Variants in GPC4 observed in about 807,000 individuals in gnomAD.
GPC4 encodes the protein glypican-4.
GPC4 carries 10 observed loss-of-function variants against 35.0 expected under a neutral mutation model. That is an observed-to-expected ratio of 0.29 (90% CI 0.18 to 0.48). The LOEUF is 0.48. Ranked by LOEUF, GPC4 falls within the 20% of genes least tolerant of loss-of-function variation. The pLI, the probability that GPC4 is intolerant of heterozygous loss-of-function variation, is 0.99. For synonymous variants in GPC4, 167 were observed against 170.2 expected (o/e 0.98, Z 0.15); for missense variants, 322 against 451.3 (o/e 0.71, Z 2.60).
chrX:133,402,903 CA>C (rs2068772086), intron 1 of GPC4, among the ~76,000 whole-genome samples: 1 of 62,035 alleles, frequency 1.6e-5, no homozygotes, highest in African/African-American at 7.9e-5. Context: ...AACTACGTCT[CA>C]AAAGGAAAAA....
intron 1 of GPC4, among the ~76,000 whole-genome samples, chrX:133,350,673 T>C (rs2068512645): frequency 8.9e-6 from 1 of 112,482 alleles, no homozygotes; most frequent in South Asian, 3.7e-4. Flanking sequence ...CTGTGCTTAA[T>C]TACATCCTTT....
At position 133,404,546 on chromosome X, in the gene GPC4, C is replaced by CAAAAAAAAAAAAAAAAA. The variant is rs766777711; in HGVS notation, c.160+10243_160+10259dup. On this transcript the variant is annotated intron_variant, in intron 1 of 8. Transcript: ENST00000370828. ...TGGGCAATAGAGCAAGACTCTGCCTCAAAAAAAAAAAAAAAAAAAGAAGGT... is the reference window on the plus strand; with the variant it reads ...TGGGCAATAGAGCAAGACTCTGCCTCAAAAAAAAAAAAAAAAAAAAAAAAAAAAAAAAAAAAGAAGGT... Among the ~76,000 whole-genome samples, 34 of 37,350 alleles carry CAAAAAAAAAAAAAAAAA rather than the reference C, an allele frequency of 9.1e-4. 2 individuals are homozygous for CAAAAAAAAAAAAAAAAA. The highest frequency in any genetic ancestry group is 3.0e-3 in the East Asian group (3 of 1,016). The allele number at this position is 37,350 out of a possible 115,157, so 32.4% of individuals were successfully genotyped here.
At chrX:133,404,546 C>CAAAA (rs766777711) in intron 1 of GPC4, among the ~76,000 whole-genome samples, 4 of 37,370 alleles carry the variant, frequency 1.1e-4, no homozygotes, top group African/African-American at 5.1e-4. Flanking sequence ...GACTCTGCCT[C>CAAAA]AAAAAAAAAA....
chrX:133,312,389 G>A (rs1021728858), intron 3 of GPC4, among the ~76,000 whole-genome samples: 5 of 110,822 alleles, frequency 4.5e-5, no homozygotes, highest in Non-Finnish European at 9.4e-5. Context: ...TCAGCATTTT[G>A]GGAGGCCGAA....
At chrX:133,405,174 T>C (rs1237180839) in intron 1 of GPC4, among the ~76,000 whole-genome samples, 1 of 101,074 alleles carries the variant, frequency 9.9e-6, no homozygotes, top group Non-Finnish European at 2.0e-5. Context: ...AATGGCTCAA[T>C]CTCGGCTCAC....
At chrX:133,398,399 G>A (rs193096973) in intron 1 of GPC4, among the ~76,000 whole-genome samples, 371 of 111,656 alleles carry the variant, frequency 3.3e-3, no homozygotes, top group South Asian at 5.7e-3. Flanking sequence ...TCAGGCATCC[G>A]AGCTAGTGTC....
intron 1 of GPC4, among the ~76,000 whole-genome samples, chrX:133,371,048 TGG>T (rs2068610765): frequency 1.8e-5 from 2 of 112,244 alleles, no homozygotes; most frequent in Admixed American, 1.9e-4. Flanking sequence ...CGCGTCTCTG[TGG>T]GTGTGTATAC....
At chrX:133,343,589 T>C (rs1386352010) in intron 1 of GPC4, among the ~76,000 whole-genome samples, 1 of 111,821 alleles carries the variant, frequency 8.9e-6, no homozygotes, top group Non-Finnish European at 1.9e-5. Context: ...CTTGATTAGT[T>C]TTTTTCTTTG....
chrX:133,303,623 G>A lies in GPC4; in HGVS notation c.1293-282C>T, dbSNP rs1446096197. Among the ~76,000 whole-genome samples, 32 of 110,924 alleles carry A rather than the reference G, an allele frequency of 2.9e-4. 1 individual carries two copies. The highest frequency in any genetic ancestry group is 1.0e-3 in the African/African-American group (32 of 30,482). Reference sequence around the variant, plus strand: ...TCACAGCACTTTTGGAGGCTAAGGTGGGTGGATCACTTGAGGTCAGGCATT... The same window carrying A: ...TCACAGCACTTTTGGAGGCTAAGGTAGGTGGATCACTTGAGGTCAGGCATT... On this transcript the variant is annotated intron_variant, in intron 7 of 8. Coordinates refer to ENST00000370828, the MANE Select transcript of GPC4 (RefSeq NM_001448.3).
rs747842429 is a variant in GPC4, at chrX:133,406,561, A to G, written c.160+8245T>C. On this transcript the variant is annotated intron_variant, in intron 1 of 8. Transcript: ENST00000370828. ...TCAGGAGTTCGAGACCAGCCTGGCC[A>G]ACATGGTGAAACCCTGTCTCTACTA... 1.0e-3 allele frequency among the ~76,000 whole-genome samples: 109 copies of G among 108,651 alleles called. 2 individuals are homozygous for G. Among genetic ancestry groups the G allele is most frequent in the African/African-American group, 3.5e-3 (106 of 29,868 alleles). 94.4% of individuals were successfully genotyped at this position (108,651 alleles called of 115,157 possible).
intron 1 of GPC4, among the ~76,000 whole-genome samples, chrX:133,378,290 G>A (rs1247927878): frequency 3.6e-5 from 4 of 111,395 alleles, no homozygotes; most frequent in East Asian, 2.9e-4. Flanking sequence ...CCCGGGGGCC[G>A]GGCACGGTGG....
At chrX:133,306,424 C>A (rs1393627513) in intron 4 of GPC4, among the ~76,000 whole-genome samples, 1 of 111,469 alleles carries the variant, frequency 9.0e-6, no homozygotes, top group Non-Finnish European at 1.9e-5. Context: ...GAACTTTCCT[C>A]AATACTGATT....
chrX:133,389,617 G>A (rs770526228), intron 1 of GPC4, among the ~76,000 whole-genome samples: 10 of 111,276 alleles, frequency 9.0e-5, no homozygotes, highest in African/African-American at 2.9e-4. Context: ...GGCTGTTTTG[G>A]GGAAACAGCT....
At chrX:133,311,221 A>G in intron 4 of GPC4, 37 bp downstream of exon 4, 1 of 1,178,056 alleles carries the variant, frequency 8.5e-7, no homozygotes, top group African/African-American at 1.7e-5. Flanking sequence ...AAGCTAAGCT[A>G]TCTCCAGCAA....
At chrX:133,340,148 C>G (rs746191809) in intron 1 of GPC4, among the ~76,000 whole-genome samples, 2 of 110,757 alleles carry the variant, frequency 1.8e-5, no homozygotes, top group Admixed American at 9.7e-5. Flanking sequence ...ATCTCCCTCC[C>G]TTATACCAAC....
chrX:133,367,976 A>T (rs1399180562), intron 1 of GPC4, among the ~76,000 whole-genome samples: 1 of 111,493 alleles, frequency 9.0e-6, no homozygotes, highest in East Asian at 2.8e-4. Flanking sequence ...TAATTTTTCA[A>T]GAAAAGTGGC....
chrX:133,325,902 A>G (rs144591550), intron 2 of GPC4, among the ~76,000 whole-genome samples: 95 of 111,564 alleles, frequency 8.5e-4, no homozygotes, highest in East Asian at 1.4e-3. Flanking sequence ...ACATGCCAAG[A>G]GATTCTATAC....
At chrX:133,406,747 C>CAA (rs56973194) in intron 1 of GPC4, among the ~76,000 whole-genome samples, 40 of 38,000 alleles carry the variant, frequency 1.1e-3, no homozygotes, top group East Asian at 2.5e-3. Flanking sequence ...GACTTCGTCT[C>CAA]AAAAAAAAAA....
At chrX:133,377,398 G>A (rs776972744) in intron 1 of GPC4, among the ~76,000 whole-genome samples, 14 of 111,525 alleles carry the variant, frequency 1.3e-4, no homozygotes, top group Non-Finnish European at 2.1e-4. Context: ...TCATCTCCCA[G>A]TACTACCCAA....
Sources: allele counts gnomAD v4.1 joint callset (sites outside exome capture counted in the v4.1 genomes callset), GRCh38; gene constraint gnomAD v4.1.1; transcripts MANE v1.5; gene names NCBI Gene and HGNC (gene_info 2026-07-23, HGNC 2026-07-21).